ABCG5: variants seen among roughly 807,000 people sequenced by gnomAD.
ABCG5 encodes the protein ATP binding cassette subfamily G member 5, also known as ATP-binding cassette sub-family G member 5.
ABCG5 carries 64 observed loss-of-function variants against 64.5 expected under a neutral mutation model. The ratio of observed to expected loss-of-function variants is 0.99; its 90% CI spans 0.81 to 1.22. The LOEUF (loss-of-function observed/expected upper bound fraction) is 1.22, where lower values mean the gene tolerates loss of function less well. Ranked by LOEUF, ABCG5 falls within the 50% of genes most tolerant of loss-of-function variation. The pLI, the probability that ABCG5 is intolerant of heterozygous loss-of-function variation, is 0.00. For missense variants in ABCG5, 908 were observed against 829.5 expected (o/e 1.09, Z -1.16); for synonymous variants, 385 against 326.3 (o/e 1.18, Z -1.94).
rs114549158 is a variant in ABCG5, at chr2:43,825,028, C to A, written c.775-10G>T. 1,910 of 1,613,330 alleles carry A rather than the reference C, an allele frequency of 1.2e-3. 22 individuals carry two copies. The African/African-American group carries it at 0.023, about 19-fold the overall frequency. The stretch of plus-strand genomic sequence containing the variant: ...CAATTTTGTCAAAGAGCTGACCAGA[C>A]AACAGACGTAGTTAGTGTGTGATCA... On this transcript the variant is annotated splice_polypyrimidine_tract_variant and intron_variant, in intron 6 of 12. Transcript: ENST00000405322.
At chr2:43,818,587 C>G (rs566644002) in intron 11 of ABCG5, among the ~76,000 whole-genome samples, 1 of 152,266 alleles carries the variant, frequency 6.6e-6, no homozygotes, top group Non-Finnish European at 1.5e-5. Flanking sequence ...AGAGGAAATG[C>G]TGCCCAAGGT....
chr2:43,817,820 A>C (rs1572748962), intron 11 of ABCG5, among the ~76,000 whole-genome samples: 1 of 148,888 alleles, frequency 6.7e-6, no homozygotes, highest in Admixed American at 6.7e-5. Context: ...TGAGGCAGGA[A>C]AATCGCTTGA....
Position 43,822,478 on chromosome 2 carries a change from G to GCCC in ABCG5, c.1463+316_1463+318dup, listed in dbSNP as rs55983843. 2.9e-4 allele frequency: 137 copies of GCCC among 464,460 alleles called. 2 individuals carry two copies. Among genetic ancestry groups the GCCC allele is most frequent in the Admixed American group, 5.5e-4 (8 of 14,606 alleles). 28.8% of individuals were successfully genotyped at this position (464,460 alleles called of 1,614,324 possible). On this transcript the variant is annotated intron_variant, in intron 10 of 12. Transcript: ENST00000405322. ...CAGGCTGCTTTCTCCCCTCCCCCAG[G>GCCC]CCCCCCCCCATGCACCTGGGTCCTA... is the stretch of plus-strand genomic sequence containing the variant.
At chr2:43,833,872 C>G (rs971782410) in intron 2 of ABCG5, among the ~76,000 whole-genome samples, 1 of 151,552 alleles carries the variant, frequency 6.6e-6, no homozygotes, top group Non-Finnish European at 1.5e-5. Context: ...TTTGTAGAGA[C>G]GGGGTTTCAC....
chr2:43,832,196 G>A, intron 2 of ABCG5, 113 bp from the exon 3 acceptor site: 1 of 1,435,128 alleles, frequency 7.0e-7, no homozygotes, highest in Non-Finnish European at 9.6e-7. Flanking sequence ...GCTACATGAC[G>A]GACCCTGTTC....
chr2:43,823,021 T>C, intron 9 of ABCG5, 86 bp from the exon 10 acceptor site: 1 of 1,563,176 alleles, frequency 6.4e-7, no homozygotes, highest in Non-Finnish European at 8.7e-7. Context: ...GTGAGGTCTG[T>C]CAGGGCTGGA....
intron 11 of ABCG5, among the ~76,000 whole-genome samples, chr2:43,818,365 AC>A (rs1666980715): frequency 6.6e-6 from 1 of 152,150 alleles, no homozygotes; most frequent in Non-Finnish European, 1.5e-5. Flanking sequence ...AATCACTTGA[AC>A]CCAGGAGGCA....
At chr2:43,834,562 T>A (rs1668144653) in intron 2 of ABCG5, among the ~76,000 whole-genome samples, 1 of 152,264 alleles carries the variant, frequency 6.6e-6, no homozygotes, top group Non-Finnish European at 1.5e-5. Flanking sequence ...AAGTATTTGT[T>A]AACTCATTAA....
Position 43,837,820 on chromosome 2 carries a change from C to A in ABCG5, c.265+14G>T. 6.2e-7 allele frequency: 1 copy of A among 1,613,738 alleles called. No homozygotes were observed. Among genetic ancestry groups the A allele is most frequent in the South Asian group, 1.1e-5 (1 of 91,056 alleles). ...AAGCCAAATCCTTTTTAGAATCCTC[C>A]TTCCCAAGCTTACCTGAGCTTCCTA... is the stretch of plus-strand genomic sequence containing the variant. On this transcript the variant is annotated intron_variant, in intron 2 of 12. Coordinates refer to ENST00000405322, the MANE Select transcript of ABCG5 (RefSeq NM_022436.3).
upstream of ABCG5, chr2:43,838,932 C>T (rs767980154): frequency 1.9e-4 from 240 of 1,231,550 alleles, no homozygotes; most frequent in Middle Eastern, 5.2e-4. The surrounding 1 kb of genome is among the most constrained non-coding windows in gnomAD (Gnocchi z 4.2). Context: ...CTGGGAGAGA[C>T]GGGCCCAGGG....
intron 5 of ABCG5, among the ~76,000 whole-genome samples, chr2:43,827,729 C>G (rs1415909686): frequency 6.6e-6 from 1 of 152,128 alleles, no homozygotes; most frequent in South Asian, 2.1e-4. Flanking sequence ...CAAGGAAAAC[C>G]CCAATGGAAC....
At chr2:43,810,195 A>G (rs1666433977), downstream of ABCG5, among the ~76,000 whole-genome samples, 1 of 152,210 alleles carries the variant, frequency 6.6e-6, no homozygotes, top group South Asian at 2.1e-4. Context: ...GGGTTCACAG[A>G]TGTCAAAATT....
downstream of ABCG5, chr2:43,810,257 C>A: frequency 3.0e-6 from 2 of 668,712 alleles, no homozygotes; most frequent in Non-Finnish European, 3.7e-6. Context: ...GATGCACATT[C>A]CCAGGTCCCC....
At chr2:43,831,288 T>C (rs1667931792) in intron 4 of ABCG5, among the ~76,000 whole-genome samples, 1 of 152,074 alleles carries the variant, frequency 6.6e-6, no homozygotes, top group Non-Finnish European at 1.5e-5. Flanking sequence ...TCCTCCTGCC[T>C]CAGCCTCCTT....
At chr2:43,835,669 T>C (rs1321490072) in intron 2 of ABCG5, among the ~76,000 whole-genome samples, 2 of 152,148 alleles carry the variant, frequency 1.3e-5, no homozygotes, top group Non-Finnish European at 2.9e-5. Flanking sequence ...AAGGAGGTGA[T>C]ATTGGGAGAT....
rs139264483 is a variant in ABCG5, at chr2:43,824,931, C to T, written c.862G>A (p.Gly288Ser). 30 of 1,613,878 alleles carry T rather than the reference C, an allele frequency of 1.9e-5. No individual in the cohort carries two copies. Among genetic ancestry groups the T allele is most frequent in the African/African-American group, 1.5e-4 (11 of 74,910 alleles). The change falls in exon 7 of 13, where the codon GGT becomes AGT. Residue 288 changes from glycine to serine, a missense_variant. Gly to Ser is a moderately conservative substitution (Grantham distance 56). Transcript: ENST00000405322. ...TTTGAATGTTCAGGACAAGGGTAAC[C>T]GCAGTCATTGAAGAAATCAAGCATT... ...AEMLDFFNDCGYPCPEHSNPF... is the reference protein window; with the variant it reads ...AEMLDFFNDCSYPCPEHSNPF...
intron 11 of ABCG5, among the ~76,000 whole-genome samples, chr2:43,815,731 G>A (rs1396640414): frequency 6.6e-6 from 1 of 152,100 alleles, no homozygotes; most frequent in Non-Finnish European, 1.5e-5. Flanking sequence ...GGATGTGAAG[G>A]AACAGTGGGA....
At chr2:43,818,860 G>A (rs1356354445) in intron 11 of ABCG5, among the ~76,000 whole-genome samples, 1 of 152,130 alleles carries the variant, frequency 6.6e-6, no homozygotes, top group African/African-American at 2.4e-5. Context: ...GGCAGGTGGG[G>A]CTGAAATAGT....
chr2:43,827,876 C>T, intron 5 of ABCG5, 107 bp downstream of exon 5: 3 of 1,532,036 alleles, frequency 2.0e-6, no homozygotes, highest in South Asian at 2.4e-5. Flanking sequence ...TTCAGTTGTA[C>T]ACAAACCCCT....
Sources: gnomAD v4.1 joint callset for allele counts (sites outside exome capture counted in the v4.1 genomes callset) on GRCh38, gnomAD v4.1.1 for gene constraint, Gnocchi (gnomAD v3.1) non-coding constraint, MANE v1.5 for transcripts, NCBI Gene and HGNC (gene_info 2026-07-23, HGNC 2026-07-21) for gene names.